OTOGL: variants seen among roughly 807,000 people sequenced by gnomAD.
OTOGL encodes otogelin like.
Under a neutral mutation model 318.5 loss-of-function variants are expected in OTOGL, and 285 were observed. That is an observed-to-expected ratio of 0.89 (90% CI 0.81 to 0.99). The LOEUF (loss-of-function observed/expected upper bound fraction) is 0.99. Among genes scored for constraint, OTOGL ranks in the 50% least tolerant of loss-of-function variants. The pLI, the probability that OTOGL is intolerant of heterozygous loss-of-function variation, is 0.00. For synonymous variants in OTOGL, 987 were observed against 936.5 expected, an observed-to-expected ratio of 1.05 and a Z score of -0.99; for missense variants, 2,899 against 2,845.6, an observed-to-expected ratio of 1.02 and a Z score of -0.43.
intron 27 of OTOGL, among the ~76,000 whole-genome samples, chr12:80,299,147 C>T (rs920866559): frequency 2.0e-5 from 3 of 152,140 alleles, no homozygotes; most frequent in Non-Finnish European, 2.9e-5. Context: ...GAACAGTTAC[C>T]TTAAAACATA....
intron 1 of OTOGL, among the ~76,000 whole-genome samples, chr12:80,199,336 C>G (rs529109346): frequency 3.3e-5 from 5 of 152,214 alleles, no homozygotes; most frequent in Admixed American, 6.5e-5. Context: ...GTTTAAAACC[C>G]TTTCCTAGAA....
rs80328851 is a variant in OTOGL at position 80,364,813 on chromosome 12, C to A, written c.6268-1761C>A. 9.0e-3 allele frequency among the ~76,000 whole-genome samples: 1,375 copies of A among 152,146 alleles called. 12 individuals carry two copies. Among genetic ancestry groups the A allele is most frequent in the African/African-American group, 0.028 (1,142 of 41,512 alleles). Reference sequence around the variant, plus strand: ...ACCTTGACATTTATCCAAATGTCAACATTTGGATATTTATCTTGGACATTT... The same window carrying A: ...ACCTTGACATTTATCCAAATGTCAAAATTTGGATATTTATCTTGGACATTT... On this transcript the variant is annotated intron_variant, in intron 52 of 58. Transcript: ENST00000547103.
chr12:80,108,526 C>G (rs1869592738), intron 1 of OTOGL, among the ~76,000 whole-genome samples: 2 of 151,060 alleles, frequency 1.3e-5, no homozygotes, highest in Non-Finnish European at 3.0e-5. Flanking sequence ...TTTTTTTTCT[C>G]TTTGCAATTT....
intron 1 of OTOGL, chr12:80,208,189 C>T (rs766229688): frequency 1.9e-6 from 1 of 516,780 alleles, no homozygotes; most frequent in Non-Finnish European, 3.9e-6. Context: ...ATGGAATTAG[C>T]TATTATTTCG....
chr12:80,240,781 AT>A (rs1555282721), intron 11 of OTOGL, among the ~76,000 whole-genome samples: 1 of 152,136 alleles, frequency 6.6e-6, no homozygotes, highest in Non-Finnish European at 1.5e-5. Context: ...GGTTGTGAAC[AT>A]CTAGGATAGG....
intron 42 of OTOGL, among the ~76,000 whole-genome samples, chr12:80,337,530 T>G (rs1392064518): frequency 1.3e-5 from 2 of 152,084 alleles, no homozygotes; most frequent in Non-Finnish European, 2.9e-5. Flanking sequence ...GCGCAATGTA[T>G]TATAAAAAAG....
chr12:80,336,395 T>C lies in OTOGL; in HGVS notation c.4601-18T>C. 6.4e-7 allele frequency: 1 copy of C among 1,571,882 alleles called. No individual in the cohort carries two copies. Among genetic ancestry groups the C allele is most frequent in the Non-Finnish European group, 8.6e-7 (1 of 1,162,670 alleles). On this transcript the variant is annotated intron_variant, in intron 39 of 58. Coordinates refer to ENST00000547103, the MANE Select transcript of OTOGL (RefSeq NM_001378609.3). ...CAGATAGTTAATAGACTAAATCCAC[T>C]TTCCACCATTTTTATAGGTCGGTGT...
intron 1 of OTOGL, among the ~76,000 whole-genome samples, chr12:80,159,912 A>G (rs1873389532): frequency 6.6e-6 from 1 of 152,162 alleles, no homozygotes; most frequent in Non-Finnish European, 1.5e-5. Context: ...ACATAAACCA[A>G]TGGAATAGAA....
chr12:80,268,915 A>G (rs1264718892), intron 22 of OTOGL, among the ~76,000 whole-genome samples: 3 of 151,418 alleles, frequency 2.0e-5, no homozygotes, highest in Non-Finnish European at 4.4e-5. Flanking sequence ...AAAAAAAAAA[A>G]GTAACCATCC....
intron 36 of OTOGL, 66 bp downstream of exon 36, chr12:80,328,810 A>G (rs1213298694): frequency 7.1e-7 from 1 of 1,417,452 alleles, no homozygotes; most frequent in African/African-American, 1.4e-5. Context: ...TTTCCGAGGC[A>G]AGTGGTTGTA....
Position 80,313,622 on chromosome 12 carries a change from T to A in OTOGL, c.3597T>A (p.Ser1199=), listed in dbSNP as rs1565977222. 2 of 1,611,068 alleles carry A rather than the reference T, an allele frequency of 1.2e-6. No homozygotes were observed. Among genetic ancestry groups the A allele is most frequent in the Non-Finnish European group, 1.7e-6 (2 of 1,177,952 alleles). ...GAATATCAATTCATTGGAGATCATC[T>A]ACTGTTTGTTGTAAGTACCCTACTT... The part of the protein sequence containing the change: ...QEGISIHWRS[S]TVCSLDCEYY... The change falls in exon 31 of 59, where the codon TCT becomes TCA. Residue 1199 remains serine (S), a synonymous_variant. Coordinates refer to ENST00000547103, the MANE Select transcript of OTOGL (RefSeq NM_001378609.3).
intron 1 of OTOGL, among the ~76,000 whole-genome samples, chr12:80,099,966 G>A (rs1053681896): frequency 7.2e-5 from 11 of 152,126 alleles, no homozygotes; most frequent in African/African-American, 2.7e-4. Context: ...TGTTATTACT[G>A]TTGCTTCACG....
In OTOGL at chr12:80,243,984, C is replaced by T. The variant is rs558855299; in HGVS notation, c.1052+4545C>T. Among the ~76,000 whole-genome samples the T allele has an allele frequency of 2.0e-4, 30 of 150,644 alleles. 1 individual carries two copies. Among genetic ancestry groups the T allele is most frequent in the East Asian group, 1.6e-3 (8 of 5,116 alleles). ...CAACATTCCACCAGTACAAACTAGG[C>T]GCAGAAATCCTCCCTTCTTCATCAT... is the stretch of plus-strand genomic sequence containing the variant. On this transcript the variant is annotated intron_variant, in intron 11 of 58. Transcript: ENST00000547103.
At chr12:80,165,377 T>G (rs1050918711) in intron 1 of OTOGL, among the ~76,000 whole-genome samples, 1 of 152,188 alleles carries the variant, frequency 6.6e-6, no homozygotes, top group Non-Finnish European at 1.5e-5. Context: ...TGCAAAGTAT[T>G]ATATCTGATT....
At chr12:80,206,403 C>T (rs1299307149) in intron 1 of OTOGL, among the ~76,000 whole-genome samples, 3 of 152,168 alleles carry the variant, frequency 2.0e-5, no homozygotes, top group Non-Finnish European at 4.4e-5. Flanking sequence ...TAACATTTTT[C>T]CTACTATGAG....
At chr12:80,309,420 A>AG (rs1370406882) in intron 29 of OTOGL, among the ~76,000 whole-genome samples, 1 of 152,218 alleles carries the variant, frequency 6.6e-6, no homozygotes, top group Non-Finnish European at 1.5e-5. Context: ...AGAATTTAAC[A>AG]GGGAAAGGAG....
chr12:80,257,830 G>A lies in OTOGL; in HGVS notation c.1717G>A (p.Val573Ile), dbSNP rs374874001. 2 of 1,573,336 alleles carry A rather than the reference G, an allele frequency of 1.3e-6. No homozygotes were observed. Among genetic ancestry groups the A allele is most frequent in the African/African-American group, 1.4e-5 (1 of 73,646 alleles). The change falls in exon 18 of 59, where the codon GTT (valine) becomes ATT (isoleucine). Residue 573 changes from valine to isoleucine, a missense_variant. By Grantham distance (29) the Val-to-Ile change is conservative. Around this residue, in one of 3 missense-constraint regions of OTOGL, gnomAD observed 2,607 missense variants for 2,524.9 expected, o/e 1.03. Coordinates refer to ENST00000547103, the MANE Select transcript of OTOGL (RefSeq NM_001378609.3). Reference sequence around the variant, plus strand: ...CGTATGTTCTTTTCCTGCAGGTATTGTTGAAATTCAAACTCTGTCATCCTT... The same window carrying A: ...CGTATGTTCTTTTCCTGCAGGTATTATTGAAATTCAAACTCTGTCATCCTT... ...PNQGFNLNGI[V>I]EIQTLSSLFI...
chr12:80,267,290 C>A lies in OTOGL; in HGVS notation c.2428C>A (p.Gln810Lys). The change falls in exon 22 of 59, where the codon CAA (glutamine) becomes AAA (lysine). Residue 810 changes from glutamine (Q) to lysine (K), a missense_variant. Physicochemically the swap from Gln to Lys is moderately conservative, Grantham distance 53. Transcript: ENST00000547103. ...TTGTCATTATAGGGGCAGTGTTTAT[C>A]AACCTGGAGAGCTCATCCCCACACC... ...CRCHYRGSVY[Q>K]PGELIPTPSG... is the part of the protein sequence containing the mutation. The A allele has an allele frequency of 6.4e-7, 1 of 1,566,194 alleles. No individual in the cohort carries two copies. Among genetic ancestry groups the A allele is most frequent in the Non-Finnish European group, 8.7e-7 (1 of 1,145,008 alleles).
intron 1 of OTOGL, among the ~76,000 whole-genome samples, chr12:80,136,527 G>A (rs776904822): frequency 6.6e-6 from 1 of 152,106 alleles, no homozygotes; most frequent in Non-Finnish European, 1.5e-5. Flanking sequence ...TTCACCTCTT[G>A]TACTACTCTG....
Sources: allele counts gnomAD v4.1 joint callset (sites outside exome capture counted in the v4.1 genomes callset), GRCh38; gene constraint gnomAD v4.1.1; regional missense constraint gnomAD v4.1.1; transcripts MANE v1.5; gene names NCBI Gene and HGNC (gene_info 2026-07-23, HGNC 2026-07-21).